Variants in TBC1D22A observed in about 807,000 individuals in gnomAD.
TBC1D22A encodes the protein putative GTPase activator.
In TBC1D22A, 38 loss-of-function variants were observed where a neutral mutation model predicts 60.2. The ratio of observed to expected loss-of-function variants is 0.63; its 90% CI spans 0.49 to 0.83. TBC1D22A has a LOEUF of 0.83. Among genes scored for constraint, TBC1D22A ranks in the 40% least tolerant of loss-of-function variants. The pLI is 0.00. For missense variants in TBC1D22A, 628 were observed against 701.0 expected (o/e 0.90, Z 1.18); for synonymous variants, 302 against 281.7 (o/e 1.07, Z -0.72).
intron 12 of TBC1D22A, among the ~76,000 whole-genome samples, chr22:47,118,401 C>A (rs537104467): frequency 6.6e-6 from 1 of 152,092 alleles, no homozygotes; most frequent in South Asian, 2.1e-4. Context: ...GTTAAAGAAC[C>A]CCCTTCAAAA....
intron 12 of TBC1D22A, among the ~76,000 whole-genome samples, chr22:47,128,411 G>A: frequency 7.6e-6 from 1 of 131,520 alleles, no homozygotes; most frequent in African/African-American, 3.0e-5. Context: ...GAGGGAGGAG[G>A]AGCTGGTCCT....
chr22:46,987,534 T>G (rs541343904), intron 9 of TBC1D22A, among the ~76,000 whole-genome samples: 1 of 152,364 alleles, frequency 6.6e-6, no homozygotes, highest in East Asian at 1.9e-4. Context: ...CTAATAAAAC[T>G]AGCCACACAA....
At chr22:47,039,915 C>T (rs376224335) in intron 11 of TBC1D22A, among the ~76,000 whole-genome samples, 1 of 130,928 alleles carries the variant, frequency 7.6e-6, no homozygotes, top group East Asian at 2.2e-4. Context: ...AGGAGCAAGG[C>T]GTCGGGGAGG....
At chr22:47,151,414 C>T (rs980762221) in intron 12 of TBC1D22A, among the ~76,000 whole-genome samples, 7 of 152,162 alleles carry the variant, frequency 4.6e-5, no homozygotes, top group African/African-American at 1.4e-4. Flanking sequence ...TTGAACAACT[C>T]GGGAAATTGA....
intron 12 of TBC1D22A, among the ~76,000 whole-genome samples, chr22:47,152,540 C>T (rs1187527540): frequency 2.6e-5 from 4 of 152,240 alleles, no homozygotes; most frequent in Non-Finnish European, 4.4e-5. Context: ...GGCCACAACC[C>T]CCCACGTAGC....
At chr22:46,797,060 A>G (rs2084685254) in intron 3 of TBC1D22A, among the ~76,000 whole-genome samples, 1 of 151,490 alleles carries the variant, frequency 6.6e-6, no homozygotes, top group African/African-American at 2.4e-5. Context: ...TGCCCTCCGC[A>G]CTCAGGCCTG....
At chr22:47,109,557 G>A (rs1353863437) in intron 11 of TBC1D22A, among the ~76,000 whole-genome samples, 1 of 152,082 alleles carries the variant, frequency 6.6e-6, no homozygotes, top group Non-Finnish European at 1.5e-5. Flanking sequence ...GCTTGTCCAG[G>A]TGCCTCCCTG....
intron 10 of TBC1D22A, among the ~76,000 whole-genome samples, chr22:47,035,068 G>A (rs973224561): frequency 1.3e-5 from 2 of 152,174 alleles, no homozygotes; most frequent in Admixed American, 1.3e-4. Flanking sequence ...GGCATCTGTG[G>A]CCGTGTGTGT....
At chr22:47,067,790 G>GT (rs2063826556) in intron 11 of TBC1D22A, among the ~76,000 whole-genome samples, 2 of 152,170 alleles carry the variant, frequency 1.3e-5, no homozygotes, top group South Asian at 4.1e-4. Flanking sequence ...GCTTGCATAC[G>GT]TGCACTCACA....
At chr22:47,112,347 G>A (rs1347587204) in intron 12 of TBC1D22A, among the ~76,000 whole-genome samples, 2 of 152,218 alleles carry the variant, frequency 1.3e-5, no homozygotes, top group African/African-American at 4.8e-5. Flanking sequence ...CCCCAGCAGT[G>A]GGAAGCAGAC....
intron 11 of TBC1D22A, among the ~76,000 whole-genome samples, chr22:47,096,108 G>C (rs1440754844): frequency 6.6e-6 from 1 of 152,172 alleles, no homozygotes; most frequent in Non-Finnish European, 1.5e-5. Flanking sequence ...TTATTACCCA[G>C]CTTTAGCAAG....
In TBC1D22A at chr22:47,037,234, C is replaced by A. The variant is rs759115529; in HGVS notation, c.1329+36C>A. On this transcript the variant is annotated intron_variant, in intron 11 of 12. Coordinates refer to ENST00000337137, the MANE Select transcript of TBC1D22A (RefSeq NM_014346.5). ...CTTCGCACCCTCCGCCATGGGGGTG[C>A]CAGGAGCCCGGGCCGTTTCCTGTCG... 5 of 1,608,390 alleles carry A rather than the reference C, an allele frequency of 3.1e-6. No homozygotes were observed. The East Asian group carries it at 1.1e-4, about 36-fold the overall frequency.
intron 10 of TBC1D22A, among the ~76,000 whole-genome samples, chr22:47,031,001 TGAA>T (rs1379368525): frequency 1.3e-5 from 2 of 152,160 alleles, no homozygotes; most frequent in African/African-American, 4.8e-5. Flanking sequence ...CACTTCCGTG[TGAA>T]GAAGGACACT....
At chr22:46,782,780 C>T (rs1251474854) in intron 1 of TBC1D22A, among the ~76,000 whole-genome samples, 1 of 152,130 alleles carries the variant, frequency 6.6e-6, no homozygotes, top group Admixed American at 6.6e-5. Flanking sequence ...CAGGATTCAC[C>T]CATGCTGTGT....
intron 1 of TBC1D22A, among the ~76,000 whole-genome samples, chr22:46,786,377 G>A (rs801611): frequency 0.67 from 101,258 of 152,018 alleles, 33,778 homozygotes; most frequent in Middle Eastern, 0.78. Flanking sequence ...TGATTATGAT[G>A]CGTAATCCCT....
chr22:46,854,062 G>A (rs370050429), intron 4 of TBC1D22A, among the ~76,000 whole-genome samples: 43 of 152,178 alleles, frequency 2.8e-4, no homozygotes, highest in African/African-American at 4.1e-4. Flanking sequence ...ACCCATGTGC[G>A]TTTCTGGACT....
intron 1 of TBC1D22A, among the ~76,000 whole-genome samples, chr22:46,783,763 T>C (rs1396336278): frequency 1.3e-5 from 2 of 152,260 alleles, no homozygotes; most frequent in African/African-American, 4.8e-5. Flanking sequence ...TCTGCTATGG[T>C]TAGTATTCCA....
intron 12 of TBC1D22A, among the ~76,000 whole-genome samples, chr22:47,129,529 C>T (rs904267969): frequency 2.6e-5 from 4 of 152,180 alleles, no homozygotes; most frequent in Non-Finnish European, 4.4e-5. Context: ...TTTTGAGTTT[C>T]GTGGCACTCA....
chr22:47,005,312 C>A (rs567010393), intron 10 of TBC1D22A, among the ~76,000 whole-genome samples: 9 of 151,172 alleles, frequency 6.0e-5, no homozygotes, highest in African/African-American at 2.4e-5. Flanking sequence ...ATACAGGTAC[C>A]CCCTACACAC....
Sources: gnomAD v4.1 joint callset for allele counts (sites outside exome capture counted in the v4.1 genomes callset) on GRCh38, gnomAD v4.1.1 for gene constraint, MANE v1.5 for transcripts, NCBI Gene and HGNC (gene_info 2026-07-23, HGNC 2026-07-21) for gene names.